POLE4: variants seen among roughly 807,000 people sequenced by gnomAD.
The protein encoded by POLE4 is DNA polymerase epsilon subunit 4.
A neutral mutation model predicts 15.6 loss-of-function variants in POLE4; 15 were observed. The ratio of observed to expected loss-of-function variants is 0.96; its 90% CI spans 0.64 to 1.48. POLE4 has a LOEUF of 1.48. Ranked by LOEUF, POLE4 falls within the 40% of genes most tolerant of loss-of-function variation. The pLI, the probability that POLE4 is intolerant of heterozygous loss-of-function variation, is 0.00. For missense variants in POLE4, 205 were observed against 151.9 expected, an observed-to-expected ratio of 1.35 and a Z score of -1.84; for synonymous variants, 83 against 63.2, an observed-to-expected ratio of 1.31 and a Z score of -1.49.
Position 74,969,523 on chromosome 2 carries a change from C to A in POLE4, c.*101C>A. 1 of 1,028,172 alleles carries A rather than the reference C, an allele frequency of 9.7e-7. No individual in the cohort carries two copies. Among genetic ancestry groups the A allele is most frequent in the Non-Finnish European group, 1.5e-6 (1 of 645,246 alleles). 63.7% of individuals were successfully genotyped at this position (1,028,172 alleles called of 1,614,324 possible). ...AGAACGGAGTCTTTGCACTTACACA[C>A]ACTCTTCCTGTTCTGCCTTCACCTA... On this transcript the variant is annotated 3_prime_UTR_variant, in exon 4 of 4. Transcript: ENST00000483063.
intron 3 of POLE4, among the ~76,000 whole-genome samples, chr2:74,968,930 T>G (rs1204228682): frequency 6.6e-6 from 1 of 152,138 alleles, no homozygotes; most frequent in Non-Finnish European, 1.5e-5. Context: ...TTGAAATCCA[T>G]TAACTGCCAG....
At chr2:74,963,755 GC>G (rs1671258709) in intron 3 of POLE4, among the ~76,000 whole-genome samples, 1 of 152,130 alleles carries the variant, frequency 6.6e-6, no homozygotes, top group African/African-American at 2.4e-5. Flanking sequence ...CTTCCAAGGT[GC>G]TGGGATTACA....
In POLE4 at chr2:74,958,685, G is replaced by T. The variant is rs960803478; in HGVS notation, c.6G>T (p.Ala2=). 6.2e-6 allele frequency: 9 copies of T among 1,461,638 alleles called. No homozygotes were observed. The highest frequency in any genetic ancestry group is 7.2e-6 in the Non-Finnish European group (8 of 1,112,418). The allele number at this position is 1,461,638 out of a possible 1,614,324, so 90.5% of individuals were successfully genotyped here. Residue 2 remains alanine (A), a synonymous_variant, in exon 1 of 4, where the codon GCG becomes GCT. Coordinates refer to ENST00000483063, the MANE Select transcript of POLE4 (RefSeq NM_019896.4). The part of the protein sequence containing the change: M[A]AAAAAGSGTP... The stretch of plus-strand genomic sequence containing the variant: ...GCAGCACGCTCAAGGCCGGGATGGC[G>T]GCGGCGGCGGCGGCAGGAAGCGGGA...
At position 74,969,419 on chromosome 2, in the gene POLE4, T is replaced by C. The variant is rs760409023; in HGVS notation, c.351T>C (p.Asp117=). ...DEFAFLEGTL[D] is the part of the protein sequence containing the mutation. ...TCTTTGTATGTTTAGGTACTTTAGA[T>C]TGATTGCCGAGCGGGGCAGTTTTGT... Residue 117 remains aspartate, a synonymous_variant, in exon 4 of 4, where the codon GAT becomes GAC. Transcript: ENST00000483063. The C allele has an allele frequency of 9.3e-6, 15 of 1,613,760 alleles. No individual in the cohort carries two copies. In the South Asian group the frequency reaches 1.3e-4, roughly 14 times the overall value.
chr2:74,963,455 C>T (rs1369025591), intron 3 of POLE4, among the ~76,000 whole-genome samples: 1 of 151,572 alleles, frequency 6.6e-6, no homozygotes, highest in African/African-American at 2.4e-5. Context: ...CTATTTTTGT[C>T]CTTTTTCTTA....
chr2:74,968,302 C>T (rs981800532), intron 3 of POLE4, among the ~76,000 whole-genome samples: 1 of 151,422 alleles, frequency 6.6e-6, no homozygotes, highest in Non-Finnish European at 1.5e-5. Flanking sequence ...TTTATTTTCC[C>T]TATATTATCT....
At chr2:74,959,240 G>T (rs956657784) in intron 1 of POLE4, 101 bp from the exon 2 acceptor site, 2 of 708,742 alleles carry the variant, frequency 2.8e-6, no homozygotes, top group Non-Finnish European at 5.0e-6. Context: ...TTCTTGCCCC[G>T]AGCCTTTCTT....
intron 3 of POLE4, among the ~76,000 whole-genome samples, chr2:74,966,553 C>G (rs1671299021): frequency 6.6e-6 from 1 of 152,164 alleles, no homozygotes; most frequent in South Asian, 2.1e-4. Flanking sequence ...AGGCATGCAC[C>G]ACCAAGCCTG....
At chr2:74,961,458 T>C (rs1484661867) in intron 3 of POLE4, 1 of 152,260 alleles carries the variant, frequency 6.6e-6, no homozygotes, top group African/African-American at 2.4e-5. Flanking sequence ...CAGGCACTCC[T>C]TGTGACAGAC....
chr2:74,962,436 AT>A (rs1250763036), intron 3 of POLE4, among the ~76,000 whole-genome samples: 1 of 152,088 alleles, frequency 6.6e-6, no homozygotes, highest in African/African-American at 2.4e-5. Context: ...TCTCTGGTTG[AT>A]TGTAGAAGTT....
Position 74,969,404 on chromosome 2 carries a change from T to C in POLE4, c.341-5T>C. ...TGATATACTCATTGCTCTTTGTATG[T>C]TTAGGTACTTTAGATTGATTGCCGA... On this transcript the variant is annotated splice_region_variant and splice_polypyrimidine_tract_variant and intron_variant, in intron 3 of 3. Coordinates refer to ENST00000483063, the MANE Select transcript of POLE4 (RefSeq NM_019896.4). 3 of 1,613,658 alleles carry C rather than the reference T, an allele frequency of 1.9e-6. No homozygotes were observed. The highest frequency in any genetic ancestry group is 2.5e-6 in the Non-Finnish European group (3 of 1,179,574).
intron 1 of POLE4, 99 bp downstream of exon 1, chr2:74,958,991 G>T (rs1671171114): frequency 8.6e-7 from 1 of 1,165,118 alleles, no homozygotes; most frequent in Non-Finnish European, 1.2e-6. Context: ...GGCGTGGCCC[G>T]GGTTTTGAGA....
intron 3 of POLE4, among the ~76,000 whole-genome samples, chr2:74,965,952 C>G (rs1190673994): frequency 1.3e-5 from 2 of 151,996 alleles, no homozygotes; most frequent in Non-Finnish European, 2.9e-5. Flanking sequence ...AACTGGAGCA[C>G]GTCATTTATT....
Position 74,958,774 on chromosome 2 carries a change from G to T in POLE4, c.95G>T (p.Ser32Ile), listed in dbSNP as rs1338991469. Reference sequence around the variant, plus strand: ...GCCTCGCAGCCCCAGGCCCCAACGAGTGTGCCTGGGGCTCGTCTCTCGAGG... The same window carrying T: ...GCCTCGCAGCCCCAGGCCCCAACGATTGTGCCTGGGGCTCGTCTCTCGAGG... ...AAASQPQAPT[S>I]VPGARLSRLP... The change falls in exon 1 of 4, where the codon AGT becomes ATT. Residue 32 changes from serine to isoleucine, a missense_variant. Transcript: ENST00000483063. The T allele has an allele frequency of 6.5e-7, 1 of 1,547,008 alleles. No individual in the cohort carries two copies. Among genetic ancestry groups the T allele is most frequent in the East Asian group, 2.5e-5 (1 of 40,154 alleles).
intron 3 of POLE4, among the ~76,000 whole-genome samples, chr2:74,961,816 C>T (rs983150023): frequency 6.6e-6 from 1 of 152,158 alleles, no homozygotes; most frequent in African/African-American, 2.4e-5. Flanking sequence ...TGAATGTTAG[C>T]CATCATAGCC....
Position 74,969,267 on chromosome 2 carries a change from G to T in POLE4, c.341-142G>T, listed in dbSNP as rs922826769. ...TGTTTTCCCTGGGGATATTTTGGAT[G>T]GATCATCCTCAAAATTAGTATTTTG... On this transcript the variant is annotated intron_variant, in intron 3 of 3. Transcript: ENST00000483063. 20 of 774,784 alleles carry T rather than the reference G, an allele frequency of 2.6e-5. No individual in the cohort carries two copies. The African/African-American group carries it at 3.1e-4, about 12-fold the overall frequency. 48.0% of individuals were successfully genotyped at this position (774,784 alleles called of 1,614,324 possible).
intron 3 of POLE4, among the ~76,000 whole-genome samples, chr2:74,962,687 A>T (rs1270674650): frequency 1.3e-5 from 2 of 152,154 alleles, no homozygotes; most frequent in African/African-American, 4.8e-5. Flanking sequence ...TCTCGTAACC[A>T]CCATCTTGGC....
chr2:74,960,042 T>C (rs1052245580), intron 2 of POLE4, 63 bp from the exon 3 acceptor site: 14 of 1,402,568 alleles, frequency 1.0e-5, no homozygotes, highest in Non-Finnish European at 1.1e-5. Context: ...CAGATTGTGC[T>C]GTTTTCTGAC....
Position 74,969,517 on chromosome 2 carries a change from TACAC to T in POLE4, c.*100_*103del. On this transcript the variant is annotated 3_prime_UTR_variant, in exon 4 of 4. Coordinates refer to ENST00000483063, the MANE Select transcript of POLE4 (RefSeq NM_019896.4). ...CTTTGAAGAACGGAGTCTTTGCACT[TACAC>T]ACACTCTTCCTGTTCTGCCTTCACC... 9.4e-7 allele frequency: 1 copy of T among 1,065,212 alleles called. No individual in the cohort carries two copies. Among genetic ancestry groups the T allele is most frequent in the South Asian group, 1.2e-5 (1 of 80,182 alleles). 66.0% of individuals were successfully genotyped at this position (1,065,212 alleles called of 1,614,324 possible).
Sources: gnomAD v4.1 joint callset for allele counts (sites outside exome capture counted in the v4.1 genomes callset) on GRCh38, gnomAD v4.1.1 for gene constraint, MANE v1.5 for transcripts, NCBI Gene and HGNC (gene_info 2026-07-23, HGNC 2026-07-21) for gene names.